PTCHD4: variants seen among roughly 807,000 people sequenced by gnomAD.
The protein encoded by PTCHD4 is patched domain containing 4, also known as patched domain-containing protein 4.
PTCHD4 carries 33 observed loss-of-function variants against 58.1 expected under a neutral mutation model. The observed-to-expected ratio is 0.57, with a 90% CI of 0.43 to 0.76. PTCHD4 has a LOEUF of 0.76. Among genes scored for constraint, PTCHD4 ranks in the 30% least tolerant of loss-of-function variants. The pLI is 0.00. For synonymous variants in PTCHD4, 478 were observed against 409.6 expected (o/e 1.17, Z -2.02); for missense variants, 1,058 against 1,027.1 (o/e 1.03, Z -0.41).
intron 1 of PTCHD4, among the ~76,000 whole-genome samples, chr6:48,090,931 A>G (rs1036555879): frequency 6.6e-6 from 1 of 152,188 alleles, no homozygotes; most frequent in African/African-American, 2.4e-5. Flanking sequence ...TTTGTGGCAA[A>G]GTTTTCAGTT....
At chr6:47,941,071 G>A (rs1387586253) in intron 4 of PTCHD4, among the ~76,000 whole-genome samples, 1 of 152,126 alleles carries the variant, frequency 6.6e-6, no homozygotes, top group Non-Finnish European at 1.5e-5. Context: ...ATGCCTGACT[G>A]TTGGCAACTC....
intron 1 of PTCHD4, among the ~76,000 whole-genome samples, chr6:48,095,418 TCACGCCTGTAATCCCAGCA>T (rs1765445040): frequency 6.6e-6 from 1 of 152,196 alleles, no homozygotes; most frequent in African/African-American, 2.4e-5. Context: ...GCGCTGTGGC[TCACGCCTGTAATCCCAGCA>T]CTTTGGGAAG....
intron 4 of PTCHD4, among the ~76,000 whole-genome samples, chr6:47,961,320 T>G (rs1767084593): frequency 6.6e-6 from 1 of 151,180 alleles, no homozygotes; most frequent in African/African-American, 2.4e-5. Context: ...TGAGACGGAG[T>G]CTTGCTCTGT....
intron 4 of PTCHD4, among the ~76,000 whole-genome samples, chr6:47,935,769 C>A (rs186273192): frequency 1.2e-4 from 19 of 152,240 alleles, no homozygotes; most frequent in African/African-American, 4.3e-4. Flanking sequence ...AGCATTCTTG[C>A]TCTCATTGAT....
In PTCHD4 at chr6:47,877,682, GAC is replaced by G; in HGVS notation, c.*619_*620del. On this transcript the variant is annotated 3_prime_UTR_variant, in exon 5 of 5. Transcript: ENST00000339488. ...CTATAAATTTGGCTAAGGTTGATTT[GAC>G]TTTCTAGGGAAAAGCCAGCCTATCT... Among the ~76,000 whole-genome samples, 1 of 152,100 alleles carries G rather than the reference GAC, an allele frequency of 6.6e-6. No homozygotes were observed. The highest frequency in any genetic ancestry group is 1.9e-4 in the East Asian group (1 of 5,144).
chr6:47,951,110 T>C (rs1239053038), intron 4 of PTCHD4, among the ~76,000 whole-genome samples: 7 of 152,104 alleles, frequency 4.6e-5, no homozygotes, highest in Admixed American at 3.9e-4. Context: ...GTCAAGAGAA[T>C]TTTTTTTAAA....
Position 47,963,202 on chromosome 6 carries a change from C to T in PTCHD4, c.898+45432G>A, listed in dbSNP as rs76772011. 7.5e-3 allele frequency among the ~76,000 whole-genome samples: 1,126 copies of T among 150,328 alleles called. 7 individuals carry two copies. The highest frequency in any genetic ancestry group is 0.024 in the Middle Eastern group (7 of 290). On this transcript the variant is annotated intron_variant, in intron 4 of 4. Transcript: ENST00000339488. ...TAGGAATAAGATTAAATAGACATTC[C>T]TAAAAGAATAAACACATGCCAACAA...
In PTCHD4 at chr6:47,867,135, A is replaced by G. The variant is rs1207715743; in HGVS notation, c.*11168T>C. Among the ~76,000 whole-genome samples, 1 of 151,842 alleles carries G rather than the reference A, an allele frequency of 6.6e-6. No homozygotes were observed. The highest frequency in any genetic ancestry group is 2.4e-5 in the African/African-American group (1 of 41,398). On this transcript the variant is annotated 3_prime_UTR_variant, in exon 5 of 5. Transcript: ENST00000339488. Reference sequence around the variant, plus strand: ...GCAGGTATTATTTGAATTGTTAATTAAAATAATATTAACAGAGATAGTTAA... The same window carrying G: ...GCAGGTATTATTTGAATTGTTAATTGAAATAATATTAACAGAGATAGTTAA...
chr6:47,907,024 G>A (rs551613573), intron 4 of PTCHD4, among the ~76,000 whole-genome samples: 5 of 152,086 alleles, frequency 3.3e-5, no homozygotes, highest in Admixed American at 3.3e-4. Context: ...CATTTTAAAC[G>A]GTATACATCA....
chr6:47,933,765 A>C (rs1765907742), intron 4 of PTCHD4, among the ~76,000 whole-genome samples: 1 of 152,214 alleles, frequency 6.6e-6, no homozygotes. Flanking sequence ...AAAATGCTTT[A>C]TCTATAATTA....
Position 48,069,592 on chromosome 6 carries a change from G to A in PTCHD4, c.-635C>T, listed in dbSNP as rs532955091. Among the ~76,000 whole-genome samples, 3 of 152,308 alleles carry A rather than the reference G, an allele frequency of 2.0e-5. No homozygotes were observed. In the South Asian group the frequency reaches 6.2e-4, roughly 32 times the overall value. On this transcript the variant is annotated 5_prime_UTR_variant, in exon 2 of 5. The change creates a new upstream start codon in the 5' untranslated region. Coordinates refer to ENST00000339488, the MANE Select transcript of PTCHD4 (RefSeq NM_001384253.1). ...CGGAGACTCCATCTATCCCTGGTGC[G>A]TTGGGACCGTCTGGATAGCTTCTTT...
intron 4 of PTCHD4, among the ~76,000 whole-genome samples, chr6:47,956,882 C>T (rs571612838): frequency 1.3e-3 from 193 of 152,128 alleles, no homozygotes; most frequent in Non-Finnish European, 1.9e-3. Context: ...AATTGCCTTT[C>T]GTTGGGCGTG....
At chr6:47,921,920 G>C (rs1765442461) in intron 4 of PTCHD4, among the ~76,000 whole-genome samples, 1 of 150,396 alleles carries the variant, frequency 6.6e-6, no homozygotes, top group Non-Finnish European at 1.5e-5. Context: ...AGACCAGCCT[G>C]GGCAGCATAG....
rs1289296438 is a variant in PTCHD4 at position 47,863,155 on chromosome 6, G to T, written c.*15148C>A. Among the ~76,000 whole-genome samples the T allele has an allele frequency of 6.6e-6, 1 of 151,786 alleles. No individual in the cohort carries two copies. The highest frequency in any genetic ancestry group is 1.5e-5 in the Non-Finnish European group (1 of 67,852). ...TTTGTGTTGTATCTGAGACTTATGT[G>T]GTCCCACATGCAGGGGCAGATCAAA... On this transcript the variant is annotated 3_prime_UTR_variant, in exon 5 of 5. Coordinates refer to ENST00000339488, the MANE Select transcript of PTCHD4 (RefSeq NM_001384253.1).
chr6:48,090,285 T>A (rs2113901551), intron 1 of PTCHD4, among the ~76,000 whole-genome samples: 2 of 152,342 alleles, frequency 1.3e-5, no homozygotes, highest in African/African-American at 4.8e-5. Flanking sequence ...ATTTTTAGAT[T>A]AACATTTGTC....
rs528646877 is a variant in PTCHD4 at position 48,085,474 on chromosome 6, A to G, written c.-969-15548T>C. On this transcript the variant is annotated intron_variant, in intron 1 of 4. Transcript: ENST00000339488. ...AATAAGGAACAACTGACTAGAATTG[A>G]TAACATGAGTTGATCATCAAGAACC... is the stretch of plus-strand genomic sequence containing the variant. Among the ~76,000 whole-genome samples, 7 of 152,290 alleles carry G rather than the reference A, an allele frequency of 4.6e-5. No individual in the cohort carries two copies. The East Asian group carries it at 1.4e-3, about 29-fold the overall frequency.
rs6935602 is a variant in PTCHD4 at position 47,959,852 on chromosome 6, A to C, written c.898+48782T>G. Among the ~76,000 whole-genome samples the C allele has an allele frequency of 3.2e-3, 476 of 150,546 alleles. 4 individuals are homozygous for C. Among genetic ancestry groups the C allele is most frequent in the African/African-American group, 9.8e-3 (396 of 40,432 alleles). ...GAGGAAAAGGACAAGAAATGTTAAA[A>C]GGAGTCTTCCAAATAGAAAAAAAAA... On this transcript the variant is annotated intron_variant, in intron 4 of 4. Transcript: ENST00000339488.
intron 1 of PTCHD4, among the ~76,000 whole-genome samples, chr6:48,094,600 G>T (rs1765425392): frequency 6.6e-6 from 1 of 152,188 alleles, no homozygotes; most frequent in Admixed American, 6.5e-5. Flanking sequence ...AATACTTGAG[G>T]ATAGCTTTTC....
chr6:47,905,326 T>C (rs967412752), intron 4 of PTCHD4, among the ~76,000 whole-genome samples: 33 of 152,236 alleles, frequency 2.2e-4, no homozygotes, highest in African/African-American at 8.0e-4. Flanking sequence ...GTCCAGGGAC[T>C]GACCAGTCAG....
Sources: allele counts gnomAD v4.1 joint callset (sites outside exome capture counted in the v4.1 genomes callset), GRCh38; gene constraint gnomAD v4.1.1; transcripts MANE v1.5; gene names NCBI Gene and HGNC (gene_info 2026-07-23, HGNC 2026-07-21).